The following CNTN6 variants were observed in gnomAD, a reference collection of about 807,000 sequenced individuals.
CNTN6 encodes contactin 6.
CNTN6 carries 137 observed loss-of-function variants against 122.8 expected under a neutral mutation model. That is an observed-to-expected ratio of 1.12 (90% CI 0.97 to 1.29). CNTN6 has a LOEUF of 1.29. CNTN6 is among the 50% of genes most tolerant of loss of function. The pLI, the probability that CNTN6 is intolerant of heterozygous loss-of-function variation, is 0.00. For synonymous variants in CNTN6, 570 were observed against 426.0 expected (o/e 1.34, Z -4.16); for missense variants, 1,634 against 1,223.4 (o/e 1.34, Z -5.01).
chr3:1,295,054 A>G (rs1394156963), intron 5 of CNTN6, among the ~76,000 whole-genome samples: 1 of 152,184 alleles, frequency 6.6e-6, no homozygotes, highest in African/African-American at 2.4e-5. Flanking sequence ...GGAGTTGGAG[A>G]CCAGCTGGGG....
intron 1 of CNTN6, among the ~76,000 whole-genome samples, chr3:1,100,261 A>G (rs888275892): frequency 2.0e-5 from 3 of 152,180 alleles, no homozygotes; most frequent in Non-Finnish European, 4.4e-5. Context: ...ATTCTAAAAT[A>G]ATACTGTAGT....
chr3:1,247,650 G>C (rs1053786921), intron 4 of CNTN6, among the ~76,000 whole-genome samples: 3 of 152,140 alleles, frequency 2.0e-5, no homozygotes, highest in African/African-American at 7.2e-5. Context: ...CTGTTTCTGT[G>C]AGTATAATCA....
chr3:1,166,864 TCACACACC>T (rs1396368946), intron 2 of CNTN6, among the ~76,000 whole-genome samples: 1 of 151,848 alleles, frequency 6.6e-6, no homozygotes, highest in Non-Finnish European at 1.5e-5. Context: ...AAAGGGAACA[TCACACACC>T]AGGGCCTATT....
chr3:1,314,409 T>C (rs1699814677), intron 7 of CNTN6, among the ~76,000 whole-genome samples: 1 of 152,128 alleles, frequency 6.6e-6, no homozygotes, highest in African/African-American at 2.4e-5. Context: ...AAACTCATTC[T>C]CTGTACCAGT....
chr3:1,195,800 C>A (rs888533172), intron 2 of CNTN6, among the ~76,000 whole-genome samples: 1 of 152,122 alleles, frequency 6.6e-6, no homozygotes, highest in Admixed American at 6.6e-5. Context: ...CTATTCTCAC[C>A]TTTAGTATAA....
chr3:1,400,454 T>C (rs559513768), intron 20 of CNTN6, among the ~76,000 whole-genome samples: 1 of 151,564 alleles, frequency 6.6e-6, no homozygotes, highest in Admixed American at 6.6e-5. Context: ...TCTAAATCTT[T>C]CATCTCTTAT....
chr3:1,297,515 A>C (rs1651660132), intron 6 of CNTN6, among the ~76,000 whole-genome samples: 1 of 152,142 alleles, frequency 6.6e-6, no homozygotes, highest in Admixed American at 6.5e-5. Context: ...TTACATTTTT[A>C]TCTCAATTAA....
At chr3:1,166,983 ATGACACATGTATACCTGT>A in intron 2 of CNTN6, among the ~76,000 whole-genome samples, 1 of 152,062 alleles carries the variant, frequency 6.6e-6, no homozygotes, top group Admixed American at 6.5e-5. Flanking sequence ...GCAAACCACC[ATGACACATGTATACCTGT>A]GTAACAAACC....
chr3:1,363,540 T>A (rs1707781012), intron 12 of CNTN6, among the ~76,000 whole-genome samples: 1 of 151,950 alleles, frequency 6.6e-6, no homozygotes, highest in South Asian at 2.1e-4. Flanking sequence ...CTGGCTTACT[T>A]CACCTAGCAT....
chr3:1,357,057 A>G (rs1479090099), intron 12 of CNTN6, among the ~76,000 whole-genome samples: 2 of 151,940 alleles, frequency 1.3e-5, no homozygotes, highest in East Asian at 1.9e-4. Context: ...AGATTAAATT[A>G]CCACATATGA....
chr3:1,126,105 C>T (rs74636330), intron 1 of CNTN6, among the ~76,000 whole-genome samples: 2 of 151,894 alleles, frequency 1.3e-5, no homozygotes, highest in South Asian at 4.1e-4. Flanking sequence ...TTTTGTCTTT[C>T]CCATATGATT....
intron 7 of CNTN6, among the ~76,000 whole-genome samples, chr3:1,304,596 A>G (rs1248760862): frequency 6.6e-6 from 1 of 152,196 alleles, no homozygotes; most frequent in Non-Finnish European, 1.5e-5. Context: ...CAAAATGTTA[A>G]AAAATGCTTT....
At chr3:1,336,560 A>T (rs1020185103) in intron 11 of CNTN6, among the ~76,000 whole-genome samples, 1 of 152,104 alleles carries the variant, frequency 6.6e-6, no homozygotes, top group Non-Finnish European at 1.5e-5. Flanking sequence ...ACCTTTATCT[A>T]CTTACTCCAA....
intron 2 of CNTN6, among the ~76,000 whole-genome samples, chr3:1,167,566 T>C (rs1320930124): frequency 1.3e-5 from 2 of 148,950 alleles, no homozygotes; most frequent in Non-Finnish European, 3.0e-5. Context: ...TATGCACTTT[T>C]ACACTCTTTT....
intron 4 of CNTN6, among the ~76,000 whole-genome samples, chr3:1,250,947 T>C (rs2094656800): frequency 6.6e-6 from 1 of 151,946 alleles, no homozygotes; most frequent in South Asian, 2.1e-4. Flanking sequence ...TCATATCTAA[T>C]TCCTTTGCCA....
chr3:1,166,650 T>G (rs1338931133), intron 2 of CNTN6, among the ~76,000 whole-genome samples: 1 of 152,046 alleles, frequency 6.6e-6, no homozygotes, highest in African/African-American at 2.4e-5. Flanking sequence ...GGACACAGGC[T>G]CCGCAATTAA....
intron 2 of CNTN6, among the ~76,000 whole-genome samples, chr3:1,193,425 A>T (rs1205677046): frequency 3.3e-5 from 5 of 152,186 alleles, no homozygotes; most frequent in African/African-American, 1.2e-4. Flanking sequence ...CTAGACTCAC[A>T]TTATTTAAAA....
At chr3:1,168,290 A>G (rs376941939) in intron 2 of CNTN6, among the ~76,000 whole-genome samples, 10 of 151,166 alleles carry the variant, frequency 6.6e-5, no homozygotes, top group African/African-American at 2.4e-4. Context: ...AAAGTAATTT[A>G]TTTAAAAGAT....
chr3:1,332,537 G>GGGAA (rs1559849867), intron 11 of CNTN6, among the ~76,000 whole-genome samples: 5 of 61,154 alleles, frequency 8.2e-5, no homozygotes, highest in Admixed American at 1.7e-4. Context: ...GAAGGAGGGA[G>GGGAA]GGAAGGAAGG....
Sources: gnomAD v4.1 joint callset for allele counts (sites outside exome capture counted in the v4.1 genomes callset) on GRCh38, gnomAD v4.1.1 for gene constraint, MANE v1.5 for transcripts, NCBI Gene and HGNC (gene_info 2026-07-23, HGNC 2026-07-21) for gene names.